Variants in RYR1 observed in about 807,000 individuals in gnomAD.
The protein encoded by RYR1 is ryanodine receptor 1, also known as central core disease of muscle.
A neutral mutation model predicts 583.5 loss-of-function variants in RYR1; 342 were observed. The observed-to-expected ratio is 0.59, with a 90% confidence interval of 0.54 to 0.64. The LOEUF is 0.64. Among genes scored for constraint, RYR1 ranks in the 30% least tolerant of loss-of-function variants. RYR1 has a pLI of 0.00. For synonymous variants in RYR1, 2,791 were observed against 2,822.5 expected, an observed-to-expected ratio of 0.99 and a Z score of 0.35; for missense variants, 6,032 against 6,917.2, an observed-to-expected ratio of 0.87 and a Z score of 4.54.
chr19:38,490,714 G>C lies in RYR1; in HGVS notation c.6109G>C (p.Asp2037His), dbSNP rs1411748128. The change falls in exon 37 of 106, where the codon GAC (aspartate) becomes CAC (histidine). Residue 2037 changes from aspartate (D) to histidine (H), a missense_variant. This residue lies in a region of RYR1 where 2,627 missense variants were observed against 2,961.3 expected (regional missense o/e 0.89). Coordinates refer to ENST00000359596, the MANE Select transcript of RYR1 (RefSeq NM_000540.3). ...IRQDLLDFHQDLLAHCGIQLD... is the reference protein window; with the variant it reads ...IRQDLLDFHQHLLAHCGIQLD... ...ACAGGATTTGCTTGACTTTCATCAA[G>C]ACCTGCTGGCACACTGTGGTAAGGA... is the stretch of plus-strand genomic sequence containing the variant. 1 of 1,612,556 alleles carries C rather than the reference G, an allele frequency of 6.2e-7. No homozygotes were observed. Among genetic ancestry groups the C allele is most frequent in the Non-Finnish European group, 8.5e-7 (1 of 1,178,536 alleles).
chr19:38,529,088 C>T (rs1971615935), intron 76 of RYR1, 31 bp downstream of exon 76: 4 of 1,607,928 alleles, frequency 2.5e-6, no homozygotes, highest in South Asian at 1.1e-5. Context: ...CCCAGAAATG[C>T]CCCCAAGGTC....
Position 38,433,750 on chromosome 19 carries a change from G to GCC in RYR1, c.-76_-75dup. The GCC allele has an allele frequency of 5.8e-6, 2 of 346,602 alleles. No homozygotes were observed. The highest frequency in any genetic ancestry group is 1.1e-5 in the Non-Finnish European group (2 of 184,210). 21.5% of individuals were successfully genotyped at this position (346,602 alleles called of 1,614,324 possible). ...CTCCAGAGGTCTCCGACCCCAGCCC[G>GCC]CCCCCAGCCCTCCCGCCCAGCCCGC... On this transcript the variant is annotated 5_prime_UTR_variant, in exon 1 of 106. Transcript: ENST00000359596.
chr19:38,515,319 A>G (rs1361476937), intron 64 of RYR1, among the ~76,000 whole-genome samples: 3 of 152,178 alleles, frequency 2.0e-5, no homozygotes, highest in Admixed American at 2.0e-4. Flanking sequence ...GCTGTGAAGC[A>G]GGCAGGCCTC....
chr19:38,526,105 G>C lies in RYR1; in HGVS notation c.10626+603G>C, dbSNP rs1459796213. Among the ~76,000 whole-genome samples, 5 of 152,050 alleles carry C rather than the reference G, an allele frequency of 3.3e-5. No individual in the cohort carries two copies. In the East Asian group the frequency reaches 9.7e-4, roughly 29 times the overall value. On this transcript the variant is annotated intron_variant, in intron 71 of 105. Coordinates refer to ENST00000359596, the MANE Select transcript of RYR1 (RefSeq NM_000540.3). ...CCCTGCATAACTCCCCAGGATCCAT[G>C]AACCCCAAGCCCGGGACTGTACCCA... is the stretch of plus-strand genomic sequence containing the variant.
intron 38 of RYR1, among the ~76,000 whole-genome samples, chr19:38,493,554 C>T (rs1450355544): frequency 4.1e-5 from 6 of 146,232 alleles, no homozygotes; most frequent in African/African-American, 1.3e-4. Context: ...CTCACTGCGT[C>T]GCCCAGGCTA....
At chr19:38,480,624 TATC>T (rs1242484632) in intron 31 of RYR1, among the ~76,000 whole-genome samples, 1 of 152,220 alleles carries the variant, frequency 6.6e-6, no homozygotes, top group African/African-American at 2.4e-5. Context: ...AGTTTCTAAA[TATC>T]ATCAAATATC....
At chr19:38,476,852 G>A (rs1193728221) in intron 29 of RYR1, among the ~76,000 whole-genome samples, 4 of 152,062 alleles carry the variant, frequency 2.6e-5, no homozygotes, top group Admixed American at 2.0e-4. Context: ...TGATATGGAG[G>A]ATGAAGTGAG....
rs758925580 is a variant in RYR1 at position 38,466,209 on chromosome 19, C to T, written c.2989C>T (p.Arg997Ter). ...AGAAAATGGGCACAACGTGTGGGCC[C>T]GAGACCGCGTGGGCCAGGGCTGGAG... ...LAENGHNVWARDRVGQGWSYS... is the reference protein window; with the variant it reads ...LAENGHNVWA Residue 997 changes from arginine to a stop codon, truncating the protein, a stop_gained, in exon 24 of 106, where the codon CGA (arginine) becomes TGA (stop). Coordinates refer to ENST00000359596, the MANE Select transcript of RYR1 (RefSeq NM_000540.3). LOFTEE classifies it high-confidence loss of function. The T allele has an allele frequency of 1.9e-6, 3 of 1,613,442 alleles. No individual in the cohort carries two copies. Among genetic ancestry groups the T allele is most frequent in the South Asian group, 1.1e-5 (1 of 91,078 alleles).
chr19:38,561,707 A>G lies in RYR1; in HGVS notation c.12624+253A>G, dbSNP rs1487317676. Among the ~76,000 whole-genome samples, 1 of 152,170 alleles carries G rather than the reference A, an allele frequency of 6.6e-6. No homozygotes were observed. Among genetic ancestry groups the G allele is most frequent in the Non-Finnish European group, 1.5e-5 (1 of 68,018 alleles). On this transcript the variant is annotated intron_variant, in intron 90 of 105. Transcript: ENST00000359596. This position sits in a 1 kb window ranked among gnomAD's most constrained non-coding sequence, Gnocchi z 4.8. ...CACCCCTTGGGCATGAAGCAGGGTC[A>G]GTGTGTCCTGACTGTGGCTGCTCAC...
intron 88 of RYR1, among the ~76,000 whole-genome samples, chr19:38,548,020 A>G (rs1972506914): frequency 6.6e-6 from 1 of 152,088 alleles, no homozygotes; most frequent in African/African-American, 2.4e-5. Flanking sequence ...ACCTGACATC[A>G]TTAGCTTTAC....
Position 38,573,941 on chromosome 19 carries a change from T to C in RYR1, c.14129+634T>C, listed in dbSNP as rs184583844. Among the ~76,000 whole-genome samples, 3 of 151,362 alleles carry C rather than the reference T, an allele frequency of 2.0e-5. No homozygotes were observed. In the East Asian group the frequency reaches 5.9e-4, roughly 30 times the overall value. On this transcript the variant is annotated intron_variant, in intron 96 of 105. Coordinates refer to ENST00000359596, the MANE Select transcript of RYR1 (RefSeq NM_000540.3). ...GTGATTCTTACTCAGGTGCAATGAG[T>C]GCAAAATAAAAAAACATGGCCAGGC...
At chr19:38,574,725 G>T (rs937028568) in intron 96 of RYR1, among the ~76,000 whole-genome samples, 7 of 151,632 alleles carry the variant, frequency 4.6e-5, no homozygotes, top group African/African-American at 1.7e-4. Flanking sequence ...ATCAATCATC[G>T]CTCCACCCTC....
At chr19:38,446,817 G>A (rs1972966154) in intron 9 of RYR1, 49 bp downstream of exon 9, 2 of 1,492,642 alleles carry the variant, frequency 1.3e-6, no homozygotes, top group African/African-American at 2.8e-5. Flanking sequence ...GGGGTCACCT[G>A]GCAGGCTGGG....
At position 38,561,446 on chromosome 19, in the gene RYR1, A is replaced by T; in HGVS notation, c.12616A>T (p.Met4206Leu). 1.9e-6 allele frequency: 3 copies of T among 1,607,866 alleles called. No homozygotes were observed. Among genetic ancestry groups the T allele is most frequent in the Non-Finnish European group, 2.5e-6 (3 of 1,178,672 alleles). Residue 4206 changes from methionine (M) to leucine (L), a missense_variant, in exon 90 of 106, where the codon ATG becomes TTG. This residue lies in a region of RYR1 where 753 missense variants were observed against 759.6 expected (regional missense o/e 0.99). Coordinates refer to ENST00000359596, the MANE Select transcript of RYR1 (RefSeq NM_000540.3). This position sits in a 1 kb window ranked among gnomAD's most constrained non-coding sequence, Gnocchi z 4.8. Reference protein sequence around the residue: ...ISETNRAQWEMPQVKESKRQF... With the variant: ...ISETNRAQWELPQVKESKRQF... ...AGAGACCAACCGCGCCCAGTGGGAGATGCCCCAGGTCAGGGAACCCGCGCG... is the reference window on the plus strand; with the variant it reads ...AGAGACCAACCGCGCCCAGTGGGAGTTGCCCCAGGTCAGGGAACCCGCGCG...
intron 23 of RYR1, 124 bp from the exon 24 acceptor site, chr19:38,465,967 C>T: frequency 1.1e-6 from 1 of 918,542 alleles, no homozygotes; most frequent in Admixed American, 2.1e-5. Flanking sequence ...AGAACTGCAA[C>T]ATTATATCAA....
At chr19:38,494,001 C>T (rs1447315704) in intron 38 of RYR1, among the ~76,000 whole-genome samples, 3 of 151,916 alleles carry the variant, frequency 2.0e-5, no homozygotes, top group East Asian at 1.9e-4. Context: ...GATTCTTGGG[C>T]GAATAGAAAA....
At position 38,567,823 on chromosome 19, in the gene RYR1, C is replaced by T. The variant is rs145167688; in HGVS notation, c.13565C>T (p.Pro4522Leu). 4.5e-5 allele frequency: 73 copies of T among 1,614,136 alleles called. No homozygotes were observed. The African/African-American group carries it at 9.1e-4, about 20-fold the overall frequency. Reference sequence around the variant, plus strand: ...GTTCCCGAGCCCACACCAGAGCCCCCCAAGAAGCAAGCACCTCCCTCACCC... The same window carrying T: ...GTTCCCGAGCCCACACCAGAGCCCCTCAAGAAGCAAGCACCTCCCTCACCC... ...EEVPEPTPEPPKKQAPPSPPP... is the reference protein window; with the variant it reads ...EEVPEPTPEPLKKQAPPSPPP... The change falls in exon 93 of 106, where the codon CCC (proline) becomes CTC (leucine). Residue 4522 changes from proline to leucine, a missense_variant. Pro to Leu is a moderately conservative substitution (Grantham distance 98). This residue lies in a region of RYR1 where 753 missense variants were observed against 759.6 expected (regional missense o/e 0.99). Coordinates refer to ENST00000359596, the MANE Select transcript of RYR1 (RefSeq NM_000540.3).
In RYR1 at chr19:38,448,525, G is replaced by C. The variant is rs1359630856; in HGVS notation, c.957+14G>C. Reference sequence around the variant, plus strand: ...CGCATCTCCAAGGTCAGTGGGGTTTGTGGCGCCCTCCCTCACCTGAAGCCC... The same window carrying C: ...CGCATCTCCAAGGTCAGTGGGGTTTCTGGCGCCCTCCCTCACCTGAAGCCC... On this transcript the variant is annotated intron_variant, in intron 10 of 105. Transcript: ENST00000359596. The C allele has an allele frequency of 6.2e-7, 1 of 1,612,268 alleles. No individual in the cohort carries two copies.
chr19:38,570,104 T>A (rs1024381480), intron 93 of RYR1, among the ~76,000 whole-genome samples: 1 of 152,128 alleles, frequency 6.6e-6, no homozygotes, highest in African/African-American at 2.4e-5. Context: ...GAGGTTGCAG[T>A]GAGCCGAGAT....
Sources: allele counts gnomAD v4.1 joint callset (sites outside exome capture counted in the v4.1 genomes callset), GRCh38; gene constraint gnomAD v4.1.1; regional missense constraint gnomAD v4.1.1; non-coding constraint Gnocchi (gnomAD v3.1); transcripts MANE v1.5; gene names NCBI Gene and HGNC (gene_info 2026-07-23, HGNC 2026-07-21).